The following GOLGA3 variants were observed in gnomAD, a reference collection of about 807,000 sequenced individuals.
GOLGA3 encodes golgin A3, also known as golgin subfamily A member 3.
Under a neutral mutation model 169.4 loss-of-function variants are expected in GOLGA3, and 75 were observed. The observed-to-expected ratio is 0.44, with a 90% confidence interval of 0.37 to 0.54. The LOEUF (loss-of-function observed/expected upper bound fraction) is 0.54. Ranked by LOEUF, GOLGA3 falls within the 20% of genes least tolerant of loss-of-function variation. The probability of loss-of-function intolerance (pLI) is 0.00; values close to 1 mark genes in which losing one functional copy is unlikely to be tolerated. For synonymous variants in GOLGA3, 824 were observed against 822.4 expected (o/e 1.00, Z -0.03); for missense variants, 1,899 against 1,930.0 (o/e 0.98, Z 0.30).
chr12:132,787,738 TCCCCGGAGACCCC>T (rs2045988179), intron 13 of GOLGA3, among the ~76,000 whole-genome samples: 1 of 30,784 alleles, frequency 3.2e-5, no homozygotes, highest in Admixed American at 3.1e-4. Flanking sequence ...CCGGGACCCC[TCCCCGGAGACCCC>T]GGGACCCCTC....
At position 132,771,208 on chromosome 12, in the gene GOLGA3, T is replaced by C. The variant is rs563728609; in HGVS notation, c.*1897A>G. 10 of 152,732 alleles carry C rather than the reference T, an allele frequency of 6.5e-5. No homozygotes were observed. The East Asian group carries it at 1.7e-3, about 27-fold the overall frequency. 9.5% of individuals were successfully genotyped at this position (152,732 alleles called of 1,614,324 possible). A position where few individuals can be genotyped will look rare whatever the true frequency, so the allele number is the denominator to read the frequency against. The stretch of plus-strand genomic sequence containing the variant: ...TTTGTGGTTAATGCTACCTTAACCT[T>C]ACCAATTAACCTTCTAAAAGTATAT... On this transcript the variant is annotated 3_prime_UTR_variant, in exon 24 of 24. Transcript: ENST00000450791.
intron 1 of GOLGA3, chr12:132,828,567 G>A (rs1474289109): frequency 2.6e-5 from 4 of 152,334 alleles, no homozygotes; most frequent in African/African-American, 4.8e-5. Context: ...CATTCAGGAG[G>A]GCTCGCGGGC....
In GOLGA3 at chr12:132,782,292, A is replaced by C; in HGVS notation, c.3465+4T>G. On this transcript the variant is annotated splice_donor_region_variant and intron_variant, in intron 17 of 23. Coordinates refer to ENST00000450791, the MANE Select transcript of GOLGA3 (RefSeq NM_001389683.1). ...GCTGGCGTGAGTTTGACGAGTTTGA[A>C]TACCTGAAGGTTCAACTGGACTAGG... 1 of 1,611,996 alleles carries C rather than the reference A, an allele frequency of 6.2e-7. No individual in the cohort carries two copies. The highest frequency in any genetic ancestry group is 8.5e-7 in the Non-Finnish European group (1 of 1,178,370).
chr12:132,774,907 A>G (rs866842219), intron 22 of GOLGA3: 126 of 566,116 alleles, frequency 2.2e-4, no homozygotes, highest in Middle Eastern at 9.1e-4. Context: ...TACAAAGCAC[A>G]TTACAACAAA....
At chr12:132,825,733 A>C in intron 1 of GOLGA3, 1 of 1,546,924 alleles carries the variant, frequency 6.5e-7, no homozygotes, top group Non-Finnish European at 8.9e-7. Context: ...GTGCCTACCA[A>C]AAGCAGCCGA....
intron 2 of GOLGA3, among the ~76,000 whole-genome samples, chr12:132,821,144 C>T (rs1950191739): frequency 1.4e-5 from 2 of 146,022 alleles, no homozygotes; most frequent in South Asian, 4.4e-4. Context: ...CAGTGGCTCA[C>T]GCCTGTAATC....
rs377751389 is a variant in GOLGA3 at position 132,808,511 on chromosome 12, C to T, written c.558G>A (p.Thr186=). The T allele has an allele frequency of 2.6e-5, 41 of 1,600,666 alleles. No homozygotes were observed. In the African/African-American group the frequency reaches 5.1e-4, roughly 20 times the overall value. ...GGTTTAACATGAGCTCAGGATCAAG[C>T]GTGCTAAAAAGTCTCGTTTTGGTTG... ...QPATKTRLFS[T]LDPELMLNPE... The change falls in exon 5 of 24, where the codon ACG becomes ACA. Residue 186 remains threonine, a synonymous_variant. Coordinates refer to ENST00000450791, the MANE Select transcript of GOLGA3 (RefSeq NM_001389683.1).
At chr12:132,789,001 AAT>A in intron 13 of GOLGA3, 24 bp downstream of exon 13, 1 of 1,312,082 alleles carries the variant, frequency 7.6e-7, no homozygotes, top group Non-Finnish European at 1.0e-6. Context: ...CTCCCCATCA[AAT>A]GAGTCAACCC....
intron 11 of GOLGA3, 63 bp from the exon 12 acceptor site, chr12:132,791,356 G>C: frequency 3.4e-6 from 3 of 883,982 alleles, no homozygotes; most frequent in South Asian, 2.9e-5. Context: ...TGTCTGCACA[G>C]ATGTTACACT....
Position 132,782,319 on chromosome 12 carries a change from C to T in GOLGA3, c.3442G>A (p.Asp1148Asn). ...ACCTGAAGGTTCAACTGGACTAGGTCTGCCTCCCTCTTGGCCAAAGCTGTT... is the reference window on the plus strand; with the variant it reads ...ACCTGAAGGTTCAACTGGACTAGGTTTGCCTCCCTCTTGGCCAAAGCTGTT... ...LETALAKREA[D>N]LVQLNLQVQA... Residue 1148 changes from aspartate (D) to asparagine (N), a missense_variant, in exon 17 of 24, where the codon GAC becomes AAC. Coordinates refer to ENST00000450791, the MANE Select transcript of GOLGA3 (RefSeq NM_001389683.1). 6.2e-7 allele frequency: 1 copy of T among 1,614,182 alleles called. No homozygotes were observed. The highest frequency in any genetic ancestry group is 8.5e-7 in the Non-Finnish European group (1 of 1,180,010).
intron 22 of GOLGA3, chr12:132,774,625 G>T: frequency 2.2e-6 from 1 of 461,634 alleles, no homozygotes; most frequent in Non-Finnish European, 3.8e-6. Flanking sequence ...TCTCCCATCA[G>T]ATACTCAAGA....
chr12:132,799,188 AAG>A (rs1428160750), intron 8 of GOLGA3, among the ~76,000 whole-genome samples: 4 of 152,220 alleles, frequency 2.6e-5, no homozygotes, highest in African/African-American at 9.6e-5. Context: ...GGAGCCAGGG[AAG>A]ACAGCCTTTG....
At chr12:132,787,389 C>T (rs2045952791) in intron 13 of GOLGA3, among the ~76,000 whole-genome samples, 1 of 151,496 alleles carries the variant, frequency 6.6e-6, no homozygotes, top group Non-Finnish European at 1.5e-5. Flanking sequence ...ACCCAGGACC[C>T]CTCCCCAGGG....
rs766269543 is a variant in GOLGA3 at position 132,807,931 on chromosome 12, T to C, written c.1138A>G (p.Asn380Asp). 2 of 1,606,990 alleles carry C rather than the reference T, an allele frequency of 1.2e-6. No individual in the cohort carries two copies. Among genetic ancestry groups the C allele is most frequent in the Non-Finnish European group, 1.7e-6 (2 of 1,175,904 alleles). The change falls in exon 5 of 24, where the codon AAC (asparagine) becomes GAC (aspartate). Residue 380 changes from asparagine to aspartate, a missense_variant. Physicochemically the swap from Asn to Asp is conservative, Grantham distance 23 (BLOSUM62 1). Coordinates refer to ENST00000450791, the MANE Select transcript of GOLGA3 (RefSeq NM_001389683.1). ...AEHQDQGQEV[N>D]GEVRSRRDSI... ...TCTCTCCGACTCCGCACCTCCCCGTTGACCTCCTGCCCCTGGTCTTGGTGC... is the reference window on the plus strand; with the variant it reads ...TCTCTCCGACTCCGCACCTCCCCGTCGACCTCCTGCCCCTGGTCTTGGTGC...
chr12:132,782,814 T>C (rs2045676651), intron 16 of GOLGA3, among the ~76,000 whole-genome samples: 2 of 149,256 alleles, frequency 1.3e-5, no homozygotes, highest in African/African-American at 5.0e-5. Flanking sequence ...AGGTGGAGGT[T>C]GCAGTGAGCT....
chr12:132,792,237 G>C (rs1270246879), intron 11 of GOLGA3, among the ~76,000 whole-genome samples: 24 of 152,222 alleles, frequency 1.6e-4, no homozygotes, highest in Admixed American at 1.5e-3. Context: ...AAGGCACAGT[G>C]AGTGGCAGGG....
At chr12:132,797,351 C>G (rs1250413437) in intron 9 of GOLGA3, among the ~76,000 whole-genome samples, 1 of 152,178 alleles carries the variant, frequency 6.6e-6, no homozygotes, top group Admixed American at 6.5e-5. Flanking sequence ...TCCCTCCATA[C>G]ACTGCCTTGG....
At chr12:132,779,947 G>A (rs1208959786) in intron 18 of GOLGA3, among the ~76,000 whole-genome samples, 11 of 113,084 alleles carry the variant, frequency 9.7e-5, no homozygotes, top group South Asian at 3.0e-4. Context: ...GCACACACGC[G>A]TATACAGACA....
chr12:132,775,461 G>A (rs878999109), intron 21 of GOLGA3, among the ~76,000 whole-genome samples, 156 bp from the exon 22 acceptor site: 3 of 152,200 alleles, frequency 2.0e-5, no homozygotes, highest in South Asian at 4.1e-4. Context: ...GACCAGAAGT[G>A]TGTCAAATTT....
Sources: allele counts gnomAD v4.1 joint callset (sites outside exome capture counted in the v4.1 genomes callset), GRCh38; gene constraint gnomAD v4.1.1; transcripts MANE v1.5; gene names NCBI Gene and HGNC (gene_info 2026-07-23, HGNC 2026-07-21).